The following TSPAN7 variants were observed in gnomAD, a reference collection of about 807,000 sequenced individuals.
The protein encoded by TSPAN7 is tetraspanin-7.
A neutral mutation model predicts 17.6 loss-of-function variants in TSPAN7; 1 was observed. The ratio of observed to expected loss-of-function variants is 0.06; its 90% CI spans 0.02 to 0.27. The LOEUF is 0.27. TSPAN7 is among the 10% of genes least tolerant of loss of function. TSPAN7 has a pLI of 1.00. For synonymous variants in TSPAN7, 78 were observed against 79.0 expected, an observed-to-expected ratio of 0.99 and a Z score of 0.07; for missense variants, 112 against 201.7, an observed-to-expected ratio of 0.56 and a Z score of 2.69.
At chrX:38,675,624 T>C in intron 4 of TSPAN7, 81 bp from the exon 5 acceptor site, 1 of 1,145,596 alleles carries the variant, frequency 8.7e-7, no homozygotes, top group Non-Finnish European at 1.2e-6. Context: ...TGTGTTTCTC[T>C]TATAAAAGTC....
intron 1 of TSPAN7, among the ~76,000 whole-genome samples, chrX:38,642,505 T>C (rs754264459): frequency 3.6e-5 from 4 of 112,061 alleles, no homozygotes; most frequent in Non-Finnish European, 5.6e-5. Flanking sequence ...TAAATGGCTA[T>C]AAACAGTGGC....
At chrX:38,626,979 G>T (rs2069526378) in intron 1 of TSPAN7, among the ~76,000 whole-genome samples, 1 of 111,198 alleles carries the variant, frequency 9.0e-6, no homozygotes, top group African/African-American at 3.3e-5. Flanking sequence ...CAATGGACTA[G>T]CCTGGGTATG....
At chrX:38,573,571 C>T (rs766623250) in intron 1 of TSPAN7, among the ~76,000 whole-genome samples, 13 of 111,763 alleles carry the variant, frequency 1.2e-4, no homozygotes, top group African/African-American at 4.2e-4. Flanking sequence ...TATAGTTAAT[C>T]AGTATTGATA....
Position 38,571,643 on chromosome X carries a change from G to A in TSPAN7, c.81+10016G>A, listed in dbSNP as rs1010960667. ...TAATCATTCCTGACTAAAGCAATGT[G>A]TATCAGAATCACCAAGGACATTTAA... is the stretch of plus-strand genomic sequence containing the variant. On this transcript the variant is annotated intron_variant, in intron 1 of 7. Coordinates refer to ENST00000378482, the MANE Select transcript of TSPAN7 (RefSeq NM_004615.4). Among the ~76,000 whole-genome samples, 3 of 110,860 alleles carry A rather than the reference G, an allele frequency of 2.7e-5. No individual in the cohort carries two copies. The Admixed American group carries it at 2.9e-4, about 11-fold the overall frequency.
At chrX:38,632,013 G>A (rs886080416) in intron 1 of TSPAN7, among the ~76,000 whole-genome samples, 1 of 111,462 alleles carries the variant, frequency 9.0e-6, no homozygotes. Context: ...TATATCTTTT[G>A]CAATTTTTTT....
intron 1 of TSPAN7, chrX:38,566,198 A>C: frequency 4.2e-3 from 977 of 232,099 alleles, no homozygotes; most frequent in Non-Finnish European, 6.7e-3. Flanking sequence ...GACAAAAGGT[A>C]GGTACCTCTT....
At chrX:38,584,900 T>C (rs1279438991) in intron 1 of TSPAN7, among the ~76,000 whole-genome samples, 1 of 112,088 alleles carries the variant, frequency 8.9e-6, no homozygotes, top group African/African-American at 3.2e-5. Flanking sequence ...ATGAATGAAC[T>C]CTTAAGTGGC....
intron 1 of TSPAN7, among the ~76,000 whole-genome samples, chrX:38,636,915 A>G (rs1031541437): frequency 1.8e-5 from 2 of 111,852 alleles, no homozygotes; most frequent in Non-Finnish European, 3.8e-5. Flanking sequence ...GTGGGCTCCC[A>G]AAGTGCTGGG....
At chrX:38,575,250 TG>T (rs2069187856) in intron 1 of TSPAN7, among the ~76,000 whole-genome samples, 1 of 111,598 alleles carries the variant, frequency 9.0e-6, no homozygotes. Context: ...ATCGAAGCTT[TG>T]CAAGGCCCTG....
At chrX:38,663,060 C>G (rs2069757006) in intron 1 of TSPAN7, among the ~76,000 whole-genome samples, 1 of 110,283 alleles carries the variant, frequency 9.1e-6, no homozygotes, top group Non-Finnish European at 1.9e-5. Flanking sequence ...AAAAAAGAAA[C>G]ACGTTTATAG....
intron 5 of TSPAN7, among the ~76,000 whole-genome samples, chrX:38,677,039 A>G (rs7882268): frequency 0.066 from 7,362 of 111,630 alleles, 575 homozygotes; most frequent in African/African-American, 0.23. Context: ...GAGCTTCAGA[A>G]GGTTGTTCAT....
Position 38,675,778 on chromosome X carries a change from C to G in TSPAN7, c.515C>G (p.Pro172Arg), listed in dbSNP as rs104894951. Residue 172 changes from proline to arginine, a missense_variant, in exon 5 of 8, where the codon CCC becomes CGC. Coordinates refer to ENST00000378482, the MANE Select transcript of TSPAN7 (RefSeq NM_004615.4). Reference protein sequence around the residue: ...SPYFLEHGIPPSCCMNETDCN... With the variant: ...SPYFLEHGIPRSCCMNETDCN... ...TACTTCCTGGAGCATGGCATCCCCC[C>G]CAGCTGCTGCATGAACGAAACTGAT... is the stretch of plus-strand genomic sequence containing the variant. 7 of 1,211,201 alleles carry G rather than the reference C, an allele frequency of 5.8e-6. No homozygotes were observed. The highest frequency in any genetic ancestry group is 7.8e-6 in the Non-Finnish European group (7 of 895,335).
intron 3 of TSPAN7, among the ~76,000 whole-genome samples, chrX:38,673,038 G>A (rs2069830870): frequency 8.9e-6 from 1 of 112,102 alleles, no homozygotes; most frequent in Admixed American, 9.4e-5. Flanking sequence ...ACAGCTGGGT[G>A]TGGTAGCCAC....
At chrX:38,591,984 C>T (rs1434579750) in intron 1 of TSPAN7, among the ~76,000 whole-genome samples, 1 of 111,648 alleles carries the variant, frequency 9.0e-6, no homozygotes, top group Non-Finnish European at 1.9e-5. Flanking sequence ...CTGGCGGAGG[C>T]CTCAGGAAAC....
chrX:38,608,266 A>G (rs181662693), intron 1 of TSPAN7: 15 of 110,445 alleles, frequency 1.4e-4, no homozygotes, highest in African/African-American at 4.3e-4. Flanking sequence ...GGTTTTTACC[A>G]GAAAGCCCCC....
intron 1 of TSPAN7, among the ~76,000 whole-genome samples, chrX:38,582,445 G>A (rs2069232688): frequency 8.9e-6 from 1 of 112,022 alleles, no homozygotes; most frequent in African/African-American, 3.2e-5. Flanking sequence ...CTATCAAGTG[G>A]CAGAAGGAAG....
At chrX:38,600,020 A>G (rs1342921864) in intron 1 of TSPAN7, among the ~76,000 whole-genome samples, 1 of 111,718 alleles carries the variant, frequency 9.0e-6, no homozygotes, top group African/African-American at 3.3e-5. Context: ...GTCTGCCTTC[A>G]CAATGAACTA....
intron 1 of TSPAN7, among the ~76,000 whole-genome samples, chrX:38,620,214 C>T (rs934708853): frequency 8.9e-6 from 1 of 111,977 alleles, no homozygotes; most frequent in African/African-American, 3.2e-5. Context: ...GCAACTCTAA[C>T]TCATCAGTGA....
At chrX:38,680,198 C>A (rs2069880431) in intron 5 of TSPAN7, among the ~76,000 whole-genome samples, 2 of 111,321 alleles carry the variant, frequency 1.8e-5, no homozygotes, top group Non-Finnish European at 3.8e-5. Flanking sequence ...ACACAGACTA[C>A]AAATGTATAT....
Sources: gnomAD v4.1 joint callset for allele counts (sites outside exome capture counted in the v4.1 genomes callset) on GRCh38, gnomAD v4.1.1 for gene constraint, MANE v1.5 for transcripts, NCBI Gene and HGNC (gene_info 2026-07-23, HGNC 2026-07-21) for gene names.